DNAH17: variants seen among roughly 807,000 people sequenced by gnomAD.
DNAH17 encodes the protein axonemal beta dynein heavy chain 17.
DNAH17 carries 376 observed loss-of-function variants against 485.6 expected under a neutral mutation model. The observed-to-expected ratio is 0.77, with a 90% CI of 0.71 to 0.84. The LOEUF is 0.84. DNAH17 is among the 40% of genes least tolerant of loss of function. The pLI is 0.00. For missense variants in DNAH17, 6,370 were observed against 5,839.3 expected (o/e 1.09, Z -2.96); for synonymous variants, 3,031 against 2,405.9 (o/e 1.26, Z -7.60).
At chr17:78,433,898 C>G in intron 75 of DNAH17, 131 bp downstream of exon 75, 2 of 606,480 alleles carry the variant, frequency 3.3e-6, no homozygotes, top group Non-Finnish European at 4.7e-6. Flanking sequence ...AAGCCTAAGA[C>G]AAAGACCAAA....
In DNAH17 at chr17:78,477,919, C is replaced by G. The variant is rs200898053; in HGVS notation, c.7992+1106G>C. ...ACCACCATCATCATTACCACATCAC[C>G]ATCACCACCATCATCACCACCATCA... On this transcript the variant is annotated intron_variant, in intron 51 of 80. Transcript: ENST00000389840. Among the ~76,000 whole-genome samples, 108 of 148,112 alleles carry G rather than the reference C, an allele frequency of 7.3e-4. 1 individual carries two copies. The East Asian group carries it at 0.019, about 27-fold the overall frequency.
intron 54 of DNAH17, among the ~76,000 whole-genome samples, chr17:78,475,008 C>G (rs998647690): frequency 1.3e-5 from 2 of 148,532 alleles, no homozygotes; most frequent in Non-Finnish European, 3.0e-5. Flanking sequence ...GTCACATGGA[C>G]ATGCACACTG....
intron 22 of DNAH17, among the ~76,000 whole-genome samples, chr17:78,527,626 T>TC (rs2091114613): frequency 6.6e-6 from 1 of 152,064 alleles, no homozygotes; most frequent in Admixed American, 6.6e-5. Flanking sequence ...TCCCTTTCTA[T>TC]CCCTCCACCA....
Position 78,429,068 on chromosome 17 carries a change from G to A in DNAH17, c.12405+53C>T, listed in dbSNP as rs577047943. Reference sequence around the variant, plus strand: ...CCATTTGTGCTGGCAGGCTCTCACCGGGAGGCACGAGCCTTCATTACGTTG... The same window carrying A: ...CCATTTGTGCTGGCAGGCTCTCACCAGGAGGCACGAGCCTTCATTACGTTG... On this transcript the variant is annotated intron_variant, in intron 76 of 80. Coordinates refer to ENST00000389840, the MANE Select transcript of DNAH17 (RefSeq NM_173628.4). 1.4e-5 allele frequency: 22 copies of A among 1,568,300 alleles called. No homozygotes were observed. The Middle Eastern group carries it at 1.2e-3, about 85-fold the overall frequency.
intron 1 of DNAH17, among the ~76,000 whole-genome samples, chr17:78,576,144 T>C (rs368539979): frequency 2.6e-5 from 4 of 152,124 alleles, no homozygotes; most frequent in Non-Finnish European, 4.4e-5. Context: ...ACAGATGACG[T>C]TGGAAGCACT....
intron 35 of DNAH17, 191 bp from the exon 36 acceptor site, chr17:78,500,652 G>T (rs951700785): frequency 8.6e-6 from 4 of 462,478 alleles, no homozygotes; most frequent in Non-Finnish European, 1.5e-5. Flanking sequence ...GGGACTATAG[G>T]CGCCCGCCAC....
chr17:78,497,796 G>C (rs675562), intron 37 of DNAH17, among the ~76,000 whole-genome samples: 144,068 of 152,326 alleles, frequency 0.95, 68,237 homozygotes, highest in East Asian at 1. Flanking sequence ...GGTGGAGGCA[G>C]AGGGAGTCCA....
chr17:78,516,719 G>C (rs933521244), intron 25 of DNAH17, among the ~76,000 whole-genome samples: 3 of 149,060 alleles, frequency 2.0e-5, no homozygotes, highest in South Asian at 2.1e-4. Context: ...AAAAGAGAGA[G>C]AGACAGACTC....
intron 48 of DNAH17, 129 bp downstream of exon 48, chr17:78,484,739 A>ACCCCCCTGCCCCCCCCCCCCCC: frequency 2.9e-5 from 10 of 347,794 alleles, no homozygotes; most frequent in South Asian, 8.4e-5. Flanking sequence ...ACGTTGCAGC[A>ACCCCCCTGCCCCCCCCCCCCCC]CCCCCCCCAC....
chr17:78,461,282 G>A (rs939108588), intron 58 of DNAH17, among the ~76,000 whole-genome samples: 4 of 152,216 alleles, frequency 2.6e-5, no homozygotes, highest in Admixed American at 6.5e-5. Context: ...CTTCTGGTGA[G>A]GCTGCCGCTG....
At chr17:78,531,726 T>C (rs970155727) in intron 20 of DNAH17, among the ~76,000 whole-genome samples, 1 of 152,260 alleles carries the variant, frequency 6.6e-6, no homozygotes, top group Non-Finnish European at 1.5e-5. Flanking sequence ...TTCTATTCTT[T>C]TGCATTCAAT....
At position 78,444,715 on chromosome 17, in the gene DNAH17, G is replaced by T; in HGVS notation, c.11417C>A (p.Ser3806Ter). The T allele has an allele frequency of 6.2e-7, 1 of 1,606,968 alleles. No individual in the cohort carries two copies. The highest frequency in any genetic ancestry group is 8.5e-7 in the Non-Finnish European group (1 of 1,177,940). ...GAAGATCTCCTTCTCGGGGGCTTCC[G>T]ACTCCACCAGCTTTTTCCAGCGCTT... ...SAKRWKKLVE[S>*]EAPEKEIFPK... is the part of the protein sequence containing the mutation. The change falls in exon 71 of 81, where the codon TCG (serine) becomes TAG (stop). Residue 3806 changes from serine to a stop codon, truncating the protein, a stop_gained. Coordinates refer to ENST00000389840, the MANE Select transcript of DNAH17 (RefSeq NM_173628.4). LOFTEE classifies it high-confidence loss of function.
chr17:78,481,150 C>T (rs529724255), intron 48 of DNAH17, among the ~76,000 whole-genome samples: 6 of 147,638 alleles, frequency 4.1e-5, no homozygotes, highest in East Asian at 4.0e-4. Context: ...TCACTCAGGC[C>T]GGAGTGCAGT....
At chr17:78,439,411 G>A (rs2086981823) in intron 72 of DNAH17, among the ~76,000 whole-genome samples, 194 bp from the exon 73 acceptor site, 1 of 152,086 alleles carries the variant, frequency 6.6e-6, no homozygotes, top group African/African-American at 2.4e-5. Flanking sequence ...TATTCACAAT[G>A]CTGTGCAATC....
chr17:78,574,283 A>G (rs1401619174), intron 2 of DNAH17, among the ~76,000 whole-genome samples: 1 of 152,126 alleles, frequency 6.6e-6, no homozygotes, highest in African/African-American at 2.4e-5. Flanking sequence ...TGAGCCCAGG[A>G]GTCTTGAGAC....
intron 62 of DNAH17, among the ~76,000 whole-genome samples, chr17:78,457,100 G>A (rs946270924): frequency 7.2e-5 from 11 of 152,264 alleles, no homozygotes; most frequent in African/African-American, 2.7e-4. Flanking sequence ...GCCGGGCGTG[G>A]TGGCTCACGC....
At chr17:78,543,670 C>T (rs2091667166) in intron 17 of DNAH17, 187 bp downstream of exon 17, 1 of 831,714 alleles carries the variant, frequency 1.2e-6, no homozygotes, top group Non-Finnish European at 2.0e-6. Context: ...GGTGATCCGC[C>T]CGACTCAGCC....
Position 78,505,421 on chromosome 17 carries a change from A to G in DNAH17, c.4828T>C (p.Phe1610Leu), listed in dbSNP as rs1362535278. The G allele has an allele frequency of 6.2e-7, 1 of 1,614,006 alleles. No homozygotes were observed. Among genetic ancestry groups the G allele is most frequent in the East Asian group, 2.2e-5 (1 of 44,880 alleles). The change falls in exon 31 of 81, where the codon TTC becomes CTC. Residue 1610 changes from phenylalanine to leucine, a missense_variant. Phe to Leu is a conservative substitution (Grantham distance 22, BLOSUM62 0). Transcript: ENST00000389840. ...AACTTCAGTTTACACAGGCTATCGA[A>G]GAGTTTGGACAGGTGGCGGCTCACC... ...VEVSRHLSKL[F>L]DSLCKLKFRL...
intron 12 of DNAH17, 139 bp downstream of exon 12, chr17:78,561,576 G>GT: frequency 9.8e-7 from 1 of 1,019,376 alleles, no homozygotes; most frequent in Non-Finnish European, 1.4e-6. Flanking sequence ...ACCAGAAGGG[G>GT]TCTCTTCTGG....
Sources: allele counts gnomAD v4.1 joint callset (sites outside exome capture counted in the v4.1 genomes callset), GRCh38; gene constraint gnomAD v4.1.1; transcripts MANE v1.5; gene names NCBI Gene and HGNC (gene_info 2026-07-23, HGNC 2026-07-21).